The following ATG4B variants were observed in gnomAD, a reference collection of about 807,000 sequenced individuals.
ATG4B encodes the protein autophagy related 4B cysteine peptidase, also known as cysteine protease ATG4B.
A neutral mutation model predicts 56.6 loss-of-function variants in ATG4B; 29 were observed. That is an observed-to-expected ratio of 0.51 (90% CI 0.38 to 0.70). The LOEUF (loss-of-function observed/expected upper bound fraction) is 0.70. Ranked by LOEUF, ATG4B falls within the 30% of genes least tolerant of loss-of-function variation. The pLI is 0.00. For synonymous variants in ATG4B, 224 were observed against 206.1 expected (o/e 1.09, Z -0.74); for missense variants, 461 against 515.5 (o/e 0.89, Z 1.02).
chr2:241,645,164 C>T (rs918072565), intron 1 of ATG4B, among the ~76,000 whole-genome samples: 1 of 152,092 alleles, frequency 6.6e-6, no homozygotes, highest in Non-Finnish European at 1.5e-5. Context: ...TCCTTCCTGT[C>T]CTCCAGCATG....
At chr2:241,639,849 T>C (rs1259138242) in intron 1 of ATG4B, among the ~76,000 whole-genome samples, 2 of 151,964 alleles carry the variant, frequency 1.3e-5, no homozygotes, top group African/African-American at 4.8e-5. Context: ...GTAAAATAGG[T>C]GAAGGGTGGG....
chr2:241,672,049 G>A (rs1357064812), intron 12 of ATG4B, 142 bp from the exon 13 acceptor site: 1 of 1,455,670 alleles, frequency 6.9e-7, no homozygotes, highest in African/African-American at 1.4e-5. Flanking sequence ...ACAACCCCCG[G>A]ACCTGTTCAC....
intron 7 of ATG4B, chr2:241,659,403 G>A: frequency 1.6e-6 from 1 of 640,594 alleles, no homozygotes; most frequent in Non-Finnish European, 3.0e-6. Flanking sequence ...AGGCTGTCTG[G>A]AGGCCGCGAC....
chr2:241,647,820 AAGAT>A (rs999775555), intron 1 of ATG4B, among the ~76,000 whole-genome samples: 1 of 151,822 alleles, frequency 6.6e-6, no homozygotes, highest in Non-Finnish European at 1.5e-5. Flanking sequence ...GCTCTTTAAA[AAGAT>A]AGGAGTGGGC....
intron 3 of ATG4B, chr2:241,653,210 T>A (rs1032478141): frequency 4.0e-5 from 35 of 868,388 alleles, no homozygotes; most frequent in Non-Finnish European, 6.1e-5. Flanking sequence ...AACTTTGCAT[T>A]TTCTGGATGA....
Position 241,668,267 on chromosome 2 carries a change from A to C in ATG4B, c.811+46A>C. On this transcript the variant is annotated intron_variant, in intron 9 of 12. Coordinates refer to ENST00000404914, the MANE Select transcript of ATG4B (RefSeq NM_013325.5). The surrounding 1 kb of genome is among the most constrained non-coding windows in gnomAD (Gnocchi z 4.2). ...GTGTCCCTGTGGGCCTGGGCCTTTT[A>C]AGGGCATTCCATGAGCAGGTACCAC... 1 of 1,551,494 alleles carries C rather than the reference A, an allele frequency of 6.4e-7. No homozygotes were observed. The highest frequency in any genetic ancestry group is 1.4e-5 in the African/African-American group (1 of 73,160).
chr2:241,659,526 T>C, intron 7 of ATG4B: 2 of 376,120 alleles, frequency 5.3e-6, no homozygotes, highest in South Asian at 4.1e-5. Flanking sequence ...CGTGCCTTGA[T>C]GTGCGACAGA....
chr2:241,645,478 C>G (rs748576752), intron 1 of ATG4B, among the ~76,000 whole-genome samples: 23 of 152,228 alleles, frequency 1.5e-4, no homozygotes, highest in Non-Finnish European at 2.8e-4. Flanking sequence ...CGGTTCGTGA[C>G]TGCTCACCCG....
intron 12 of ATG4B, 182 bp from the exon 13 acceptor site, chr2:241,672,009 T>G (rs1390271074): frequency 1.4e-6 from 2 of 1,424,912 alleles, no homozygotes; most frequent in Non-Finnish European, 1.8e-6. Context: ...TCCTCTTCTC[T>G]GCTCCCTCCC....
At chr2:241,661,795 C>A (rs1323559258) in intron 7 of ATG4B, among the ~76,000 whole-genome samples, 1 of 152,118 alleles carries the variant, frequency 6.6e-6, no homozygotes, top group Non-Finnish European at 1.5e-5. Context: ...AGTCAAAGGC[C>A]AGCCAGGACA....
chr2:241,666,038 T>G (rs543981573), intron 7 of ATG4B, among the ~76,000 whole-genome samples: 4 of 152,252 alleles, frequency 2.6e-5, no homozygotes, highest in Non-Finnish European at 2.9e-5. Flanking sequence ...CCCTCCCTTA[T>G]GTTCTGGGTT....
intron 1 of ATG4B, among the ~76,000 whole-genome samples, chr2:241,639,781 C>T (rs905615819): frequency 6.6e-6 from 1 of 152,070 alleles, no homozygotes; most frequent in African/African-American, 2.4e-5. Context: ...AAAACAAAGT[C>T]ACTACTCAAA....
intron 1 of ATG4B, 150 bp downstream of exon 1, chr2:241,637,874 G>A (rs952769035): frequency 9.2e-6 from 8 of 870,202 alleles, no homozygotes; most frequent in East Asian, 3.9e-5. Context: ...GGGAGCGCGG[G>A]GCGGTGTTGG....
rs552359225 is a variant in ATG4B, at chr2:241,670,925, T to G, written c.1014+143T>G. 14 of 891,750 alleles carry G rather than the reference T, an allele frequency of 1.6e-5. No individual in the cohort carries two copies. In the African/African-American group the frequency reaches 2.2e-4, roughly 14 times the overall value. 55.2% of individuals were successfully genotyped at this position (891,750 alleles called of 1,614,324 possible). A position where few individuals can be genotyped will look rare whatever the true frequency, so the allele number is the denominator to read the frequency against. On this transcript the variant is annotated intron_variant, in intron 11 of 12. Coordinates refer to ENST00000404914, the MANE Select transcript of ATG4B (RefSeq NM_013325.5). ...AGCTTTGTCCCGCCTGGCACAGCTA[T>G]GTAGCTGAGCAGGGTGGGGCGTCCT...
intron 7 of ATG4B, among the ~76,000 whole-genome samples, chr2:241,666,115 G>C (rs1392125275): frequency 6.6e-6 from 1 of 152,262 alleles, no homozygotes; most frequent in East Asian, 1.9e-4. Context: ...GCTCCTCTGA[G>C]TGGGGAGTGG....
At chr2:241,642,269 G>T (rs2067913312) in intron 1 of ATG4B, among the ~76,000 whole-genome samples, 1 of 151,390 alleles carries the variant, frequency 6.6e-6, no homozygotes, top group South Asian at 2.1e-4. Context: ...AATCTGCCCA[G>T]TGTGTGCACT....
intron 6 of ATG4B, 151 bp from the exon 7 acceptor site, chr2:241,658,957 G>T (rs2125132925): frequency 1.8e-6 from 1 of 570,224 alleles, no homozygotes; most frequent in Non-Finnish European, 3.1e-6. Context: ...CCTGTCTGTG[G>T]CATTGGCTGT....
At chr2:241,666,894 T>TA (rs2068795137) in intron 8 of ATG4B, 56 bp downstream of exon 8, 1 of 1,514,824 alleles carries the variant, frequency 6.6e-7, no homozygotes, top group South Asian at 1.2e-5. Context: ...TCCCAGTTCT[T>TA]AGTCACTTTC....
chr2:241,651,024 G>A lies in ATG4B; in HGVS notation c.25G>A (p.Asp9Asn). 4 of 1,613,770 alleles carry A rather than the reference G, an allele frequency of 2.5e-6. No individual in the cohort carries two copies. Among genetic ancestry groups the A allele is most frequent in the Middle Eastern group, 1.7e-4 (1 of 6,060 alleles). Residue 9 changes from aspartate to asparagine, a missense_variant, in exon 2 of 13, where the codon GAC becomes AAC. Transcript: ENST00000404914. This position sits in a 1 kb window ranked among gnomAD's most constrained non-coding sequence, Gnocchi z 4.1. ...GGTTTCAACAGCTACTCTGACCTACGACACTCTCCGGTTTGCTGAGTTTGA... is the reference window on the plus strand; with the variant it reads ...GGTTTCAACAGCTACTCTGACCTACAACACTCTCCGGTTTGCTGAGTTTGA... MDAATLTY[D>N]TLRFAEFEDF...
Sources: allele counts gnomAD v4.1 joint callset (sites outside exome capture counted in the v4.1 genomes callset), GRCh38; gene constraint gnomAD v4.1.1; non-coding constraint Gnocchi (gnomAD v3.1); transcripts MANE v1.5; gene names NCBI Gene and HGNC (gene_info 2026-07-23, HGNC 2026-07-21).